The following STEAP1B variants were observed in gnomAD, a reference collection of about 807,000 sequenced individuals.
STEAP1B encodes the protein STEAP family protein MGC87042.
Under a neutral mutation model 27.9 loss-of-function variants are expected in STEAP1B, and 13 were observed. That is an observed-to-expected ratio of 0.47 (90% CI 0.30 to 0.74). STEAP1B has a LOEUF of 0.74. Among genes scored for constraint, STEAP1B ranks in the 30% least tolerant of loss-of-function variants. STEAP1B has a pLI of 0.06. For missense variants in STEAP1B, 250 were observed against 298.7 expected, an observed-to-expected ratio of 0.84 and a Z score of 1.20; for synonymous variants, 86 against 107.1, an observed-to-expected ratio of 0.80 and a Z score of 1.22.
intron 1 of STEAP1B, among the ~76,000 whole-genome samples, chr7:22,499,540 T>G (rs1043760162): frequency 6.6e-6 from 1 of 152,166 alleles, no homozygotes; most frequent in Non-Finnish European, 1.5e-5. Flanking sequence ...GTACAAAAAA[T>G]TTATGTCTAC....
intron 4 of STEAP1B, among the ~76,000 whole-genome samples, chr7:22,488,793 C>G (rs1786265613): frequency 1.3e-5 from 2 of 152,292 alleles, no homozygotes; most frequent in South Asian, 4.1e-4. Flanking sequence ...GACCTTGTCC[C>G]TTACACCCCA....
intron 4 of STEAP1B, among the ~76,000 whole-genome samples, chr7:22,424,829 T>C (rs543460856): frequency 6.6e-6 from 1 of 150,482 alleles, no homozygotes; most frequent in Admixed American, 6.6e-5. Context: ...GATAATAATA[T>C]GGGAAAATAC....
chr7:22,428,118 T>C (rs1392145147), intron 4 of STEAP1B, among the ~76,000 whole-genome samples: 3 of 152,124 alleles, frequency 2.0e-5, no homozygotes, highest in Non-Finnish European at 4.4e-5. Flanking sequence ...GAATCTGCCC[T>C]GAGAAGTGAG....
At chr7:22,455,944 A>G (rs908659142) in intron 4 of STEAP1B, among the ~76,000 whole-genome samples, 6 of 152,242 alleles carry the variant, frequency 3.9e-5, no homozygotes, top group Admixed American at 2.0e-4. Flanking sequence ...TCAGGAGATC[A>G]AGACCATCCT....
At chr7:22,420,739 C>A (rs1199507409) in intron 4 of STEAP1B, among the ~76,000 whole-genome samples, 1 of 152,228 alleles carries the variant, frequency 6.6e-6, no homozygotes, top group African/African-American at 2.4e-5. Flanking sequence ...TTTTAAAGTT[C>A]TTCTCTTCCT....
intron 4 of STEAP1B, among the ~76,000 whole-genome samples, chr7:22,421,007 C>G (rs1443156369): frequency 2.0e-5 from 3 of 152,182 alleles, no homozygotes; most frequent in Non-Finnish European, 2.9e-5. Context: ...TCTTAGAGAA[C>G]ATACTAGAAG....
intron 4 of STEAP1B, among the ~76,000 whole-genome samples, chr7:22,478,510 C>G (rs1786012343): frequency 6.6e-6 from 1 of 152,230 alleles, no homozygotes; most frequent in African/African-American, 2.4e-5. Flanking sequence ...CAAGTTCTCT[C>G]AAGATCTGAG....
intron 4 of STEAP1B, among the ~76,000 whole-genome samples, chr7:22,478,239 G>A (rs17146956): frequency 0.18 from 27,209 of 152,190 alleles, 2,642 homozygotes; most frequent in East Asian, 0.38. Context: ...TGTTTAAGAA[G>A]TCTGGGGTTT....
At chr7:22,490,271 T>C (rs28584608) in intron 4 of STEAP1B, among the ~76,000 whole-genome samples, 13,207 of 152,214 alleles carry the variant, frequency 0.087, 660 homozygotes, top group African/African-American at 0.099. Context: ...TTGTCTATAG[T>C]ATAAAATACA....
intron 4 of STEAP1B, among the ~76,000 whole-genome samples, chr7:22,484,459 G>C (rs1049595682): frequency 6.6e-6 from 1 of 152,330 alleles, no homozygotes; most frequent in Admixed American, 6.5e-5. Context: ...TAAGCCCACT[G>C]TTGAGACCTA....
At chr7:22,443,439 A>T (rs1268930339) in intron 4 of STEAP1B, among the ~76,000 whole-genome samples, 2 of 152,230 alleles carry the variant, frequency 1.3e-5, no homozygotes, top group Non-Finnish European at 2.9e-5. Context: ...AACAAGGAAG[A>T]CGTAAGTGAA....
intron 4 of STEAP1B, among the ~76,000 whole-genome samples, chr7:22,486,840 C>T (rs1005580125): frequency 1.3e-5 from 2 of 152,098 alleles, no homozygotes; most frequent in African/African-American, 4.8e-5. Context: ...AGGGCCTTCA[C>T]TCAGGCTGCC....
In STEAP1B at chr7:22,432,277, G is replaced by A. The variant is rs189848400; in HGVS notation, c.763-12441C>T. Among the ~76,000 whole-genome samples, 995 of 152,054 alleles carry A rather than the reference G, an allele frequency of 6.5e-3. 9 individuals carry two copies. Among genetic ancestry groups the A allele is most frequent in the South Asian group, 0.016 (75 of 4,814 alleles). ...TTCTGGGCTGGATGTGATGGCTCAC[G>A]CTTCTAATCCCAGTGCTTTGGGAGG... is the stretch of plus-strand genomic sequence containing the variant. On this transcript the variant is annotated intron_variant, in intron 4 of 4. Coordinates refer to ENST00000678116, the MANE Select transcript of STEAP1B (RefSeq NM_001382447.1).
At chr7:22,438,752 T>C (rs1214879245) in intron 4 of STEAP1B, 34 of 1,546,898 alleles carry the variant, frequency 2.2e-5, no homozygotes, top group Non-Finnish European at 2.9e-5. Flanking sequence ...CCAGTCAGTA[T>C]AGCCTAGAAA....
In STEAP1B at chr7:22,467,054, G is replaced by T. The variant is rs1006659881; in HGVS notation, c.762+25511C>A. On this transcript the variant is annotated intron_variant, in intron 4 of 4. Transcript: ENST00000678116. ...CTGTTTTTATCTGGTCTTTGAAAAA[G>T]ATTTCAGAGGAAATATAATTGAAGG... 3.3e-5 allele frequency among the ~76,000 whole-genome samples: 5 copies of T among 152,288 alleles called. No homozygotes were observed. The East Asian group carries it at 5.8e-4, about 18-fold the overall frequency.
chr7:22,424,184 A>T (rs1252509167), intron 4 of STEAP1B, among the ~76,000 whole-genome samples: 1 of 152,248 alleles, frequency 6.6e-6, no homozygotes, highest in Non-Finnish European at 1.5e-5. Flanking sequence ...GGGATGATAG[A>T]TAGCGATTTT....
intron 4 of STEAP1B, among the ~76,000 whole-genome samples, chr7:22,479,516 C>G (rs7787266): frequency 0.4 from 61,155 of 151,742 alleles, 12,426 homozygotes; most frequent in East Asian, 0.55. Context: ...GGCAAGTAGG[C>G]GAAACAACTT....
chr7:22,499,017 G>C (rs1306181539), intron 1 of STEAP1B, among the ~76,000 whole-genome samples: 1 of 152,162 alleles, frequency 6.6e-6, no homozygotes, highest in Non-Finnish European at 1.5e-5. Context: ...GTTTTCATCA[G>C]ACATTAACCA....
chr7:22,492,666 A>C lies in STEAP1B; in HGVS notation c.661T>G (p.Ser221Ala). 1 of 1,613,706 alleles carries C rather than the reference A, an allele frequency of 6.2e-7. No homozygotes were observed. Among genetic ancestry groups the C allele is most frequent in the Non-Finnish European group, 8.5e-7 (1 of 1,179,754 alleles). ...ATTGCCAGTCCCACAATTCCCAGAG[A>C]CACATAAATCTCCATTCTCCAAACA... ...HDVWRMEIYV[S>A]LGIVGLAILA... Residue 221 changes from serine to alanine, a missense_variant, in exon 4 of 5, where the codon TCT becomes GCT. Transcript: ENST00000678116.
Sources: gnomAD v4.1 joint callset for allele counts (sites outside exome capture counted in the v4.1 genomes callset) on GRCh38, gnomAD v4.1.1 for gene constraint, MANE v1.5 for transcripts, NCBI Gene and HGNC (gene_info 2026-07-23, HGNC 2026-07-21) for gene names.